The following ATP8A2 variants were observed in gnomAD, a reference collection of about 807,000 sequenced individuals.
ATP8A2 encodes the protein phospholipid-transporting ATPase IB.
A neutral mutation model predicts 165.6 loss-of-function variants in ATP8A2; 100 were observed. The observed-to-expected ratio is 0.60, with a 90% confidence interval of 0.51 to 0.71. The LOEUF is 0.71. ATP8A2 is among the 30% of genes least tolerant of loss of function. The probability of loss-of-function intolerance (pLI) is 0.00; values close to 1 mark genes in which losing one functional copy is unlikely to be tolerated. For missense variants in ATP8A2, 1,227 were observed against 1,479.5 expected, an observed-to-expected ratio of 0.83 and a Z score of 2.80; for synonymous variants, 543 against 548.8, an observed-to-expected ratio of 0.99 and a Z score of 0.15.
At chr13:25,388,717 C>A (rs1416493821) in intron 1 of ATP8A2, among the ~76,000 whole-genome samples, 2 of 152,094 alleles carry the variant, frequency 1.3e-5, no homozygotes, top group African/African-American at 4.8e-5. Flanking sequence ...TTAGTTTTTA[C>A]TTCTTTCTTT....
At chr13:25,604,529 G>A (rs539642825) in intron 24 of ATP8A2, among the ~76,000 whole-genome samples, 1 of 152,208 alleles carries the variant, frequency 6.6e-6, no homozygotes. Flanking sequence ...TTTCCAAAAT[G>A]TGTAGTAAAC....
At chr13:25,570,573 C>T (rs535276644) in intron 16 of ATP8A2, among the ~76,000 whole-genome samples, 194 bp from the exon 17 acceptor site, 14 of 152,226 alleles carry the variant, frequency 9.2e-5, no homozygotes, top group Non-Finnish European at 5.9e-5. Flanking sequence ...GGGATTAGTG[C>T]GCGTCAGGAG....
chr13:25,446,776 A>T (rs1388426165), intron 1 of ATP8A2, among the ~76,000 whole-genome samples: 1 of 152,222 alleles, frequency 6.6e-6, no homozygotes, highest in East Asian at 1.9e-4. Flanking sequence ...AATAATAAAA[A>T]TTTCCCCTAA....
chr13:25,874,453 CTTG>C (rs1399383877), intron 33 of ATP8A2, among the ~76,000 whole-genome samples: 2 of 152,202 alleles, frequency 1.3e-5, no homozygotes, highest in Non-Finnish European at 1.5e-5. Context: ...TTACCTTTCG[CTTG>C]TTGTATAATA....
intron 1 of ATP8A2, among the ~76,000 whole-genome samples, chr13:25,447,628 T>C (rs963955427): frequency 2.6e-5 from 4 of 152,186 alleles, no homozygotes; most frequent in Admixed American, 1.3e-4. Flanking sequence ...TGTGTTACAA[T>C]CAGTGCTCTT....
intron 27 of ATP8A2, among the ~76,000 whole-genome samples, chr13:25,809,921 C>A (rs529711678): frequency 1.3e-5 from 2 of 152,210 alleles, no homozygotes; most frequent in African/African-American, 4.8e-5. Flanking sequence ...AGAAGACATG[C>A]ATATGTGTCA....
intron 15 of ATP8A2, among the ~76,000 whole-genome samples, chr13:25,561,659 CTT>C (rs1428557481): frequency 6.6e-6 from 1 of 152,122 alleles, no homozygotes; most frequent in East Asian, 1.9e-4. Flanking sequence ...TCATTTGACT[CTT>C]TTAAATGTAC....
At chr13:25,567,468 A>G (rs1392808709) in intron 16 of ATP8A2, 7 of 448,752 alleles carry the variant, frequency 1.6e-5, no homozygotes, top group Non-Finnish European at 3.1e-5. Flanking sequence ...ATTTCTTTTT[A>G]GTTTAGTGGG....
At chr13:25,489,080 C>T (rs1289326321) in intron 2 of ATP8A2, among the ~76,000 whole-genome samples, 2 of 152,016 alleles carry the variant, frequency 1.3e-5, no homozygotes, top group East Asian at 1.9e-4. Context: ...TTCAGTCTCT[C>T]GTGTCTCCAC....
At chr13:25,491,565 C>G (rs180677984) in intron 2 of ATP8A2, among the ~76,000 whole-genome samples, 1 of 152,280 alleles carries the variant, frequency 6.6e-6, no homozygotes, top group Admixed American at 6.5e-5. Flanking sequence ...AGTGACAGTA[C>G]AGCGTTTATA....
chr13:26,002,618 C>T (rs1956652241), intron 35 of ATP8A2, among the ~76,000 whole-genome samples: 1 of 151,352 alleles, frequency 6.6e-6, no homozygotes, highest in Non-Finnish European at 1.5e-5. Context: ...TACCCTTTGA[C>T]CAACAGCTCG....
chr13:25,424,739 C>T (rs1331127275), intron 1 of ATP8A2, among the ~76,000 whole-genome samples: 1 of 152,138 alleles, frequency 6.6e-6, no homozygotes, highest in Non-Finnish European at 1.5e-5. Flanking sequence ...GGGCAGATCA[C>T]CTGAGGTTGG....
intron 31 of ATP8A2, 84 bp from the exon 32 acceptor site, chr13:25,860,720 G>C: frequency 9.3e-7 from 1 of 1,071,048 alleles, no homozygotes; most frequent in Non-Finnish European, 1.4e-6. Flanking sequence ...GCTAGTTCTG[G>C]AGTGGAGAGA....
chr13:26,009,428 C>T (rs936185742), intron 35 of ATP8A2, among the ~76,000 whole-genome samples: 22 of 152,198 alleles, frequency 1.4e-4, no homozygotes, highest in Admixed American at 9.8e-4. Context: ...CATCTGCGCA[C>T]GTGTGGTGTG....
rs77369260 is a variant in ATP8A2 at position 25,389,630 on chromosome 13, C to T, written c.76+17342C>T. 5.7e-3 allele frequency among the ~76,000 whole-genome samples: 862 copies of T among 152,326 alleles called. 9 individuals carry two copies. The highest frequency in any genetic ancestry group is 0.019 in the African/African-American group (787 of 41,566). On this transcript the variant is annotated intron_variant, in intron 1 of 36. Coordinates refer to ENST00000381655, the MANE Select transcript of ATP8A2 (RefSeq NM_016529.6). ...AATTCAACTTTGGATTGAAGAAGTA[C>T]ACCGAGTAGCTTCACTTAGCTGCTT...
intron 25 of ATP8A2, among the ~76,000 whole-genome samples, chr13:25,716,356 G>C (rs77496882): frequency 6.6e-6 from 1 of 151,780 alleles, no homozygotes; most frequent in African/African-American, 2.4e-5. Context: ...ACTTTTTTTT[G>C]TTGTTGCTTA....
At chr13:25,386,329 T>C (rs767623915) in intron 1 of ATP8A2, among the ~76,000 whole-genome samples, 20 of 152,176 alleles carry the variant, frequency 1.3e-4, no homozygotes, top group Non-Finnish European at 1.6e-4. Flanking sequence ...TGGTGCTTCG[T>C]TAAACTTAGA....
At chr13:25,889,625 C>G (rs1300560406) in intron 33 of ATP8A2, among the ~76,000 whole-genome samples, 1 of 151,784 alleles carries the variant, frequency 6.6e-6, no homozygotes, top group Non-Finnish European at 1.5e-5. Context: ...CAGTGCATGA[C>G]CACTCCTTGA....
intron 24 of ATP8A2, among the ~76,000 whole-genome samples, chr13:25,659,771 C>G (rs1300384188): frequency 6.6e-6 from 1 of 152,186 alleles, no homozygotes. Flanking sequence ...AAGCGTGAAG[C>G]TTTCCCTTGC....
Sources: allele counts gnomAD v4.1 joint callset (sites outside exome capture counted in the v4.1 genomes callset), GRCh38; gene constraint gnomAD v4.1.1; transcripts MANE v1.5; gene names NCBI Gene and HGNC (gene_info 2026-07-23, HGNC 2026-07-21).